SND1: variants seen among roughly 807,000 people sequenced by gnomAD.
SND1 encodes staphylococcal nuclease domain-containing protein 1.
A neutral mutation model predicts 121.7 loss-of-function variants in SND1; 38 were observed. That is an observed-to-expected ratio of 0.31 (90% CI 0.24 to 0.41). The LOEUF is 0.41. SND1 is among the 10% of genes least tolerant of loss of function. The pLI, the probability that SND1 is intolerant of heterozygous loss-of-function variation, is 1.00. For synonymous variants in SND1, 401 were observed against 447.4 expected, an observed-to-expected ratio of 0.90 and a Z score of 1.31; for missense variants, 868 against 1,184.6, an observed-to-expected ratio of 0.73 and a Z score of 3.92.
At chr7:127,730,880 G>A (rs1047282602) in intron 10 of SND1, among the ~76,000 whole-genome samples, 8 of 152,252 alleles carry the variant, frequency 5.3e-5, no homozygotes, top group African/African-American at 1.4e-4. Context: ...CTACCACTCT[G>A]CCTTTCCTAG....
chr7:127,897,728 A>T (rs1800148207), intron 13 of SND1, among the ~76,000 whole-genome samples: 1 of 152,172 alleles, frequency 6.6e-6, no homozygotes, highest in South Asian at 2.1e-4. Flanking sequence ...TAGTAGTAGA[A>T]CTATTCACAT....
chr7:127,709,358 T>C (rs1423404013), intron 9 of SND1, among the ~76,000 whole-genome samples: 9 of 152,184 alleles, frequency 5.9e-5, no homozygotes, highest in Non-Finnish European at 1.5e-5. Context: ...ATCTTCACTT[T>C]GAGAGTCTGT....
intron 16 of SND1, among the ~76,000 whole-genome samples, chr7:128,073,806 C>A (rs1793455969): frequency 6.6e-6 from 1 of 152,132 alleles, no homozygotes; most frequent in Non-Finnish European, 1.5e-5. Context: ...GAAAAGCAGT[C>A]AGTGCTAGGT....
intron 2 of SND1, among the ~76,000 whole-genome samples, chr7:127,687,768 C>T (rs1795840784): frequency 6.6e-6 from 1 of 152,126 alleles, no homozygotes; most frequent in Non-Finnish European, 1.5e-5. Context: ...ACTGTAGTCT[C>T]AACCTCCCAG....
chr7:127,748,641 G>A (rs1051151005), intron 10 of SND1, among the ~76,000 whole-genome samples: 1 of 152,150 alleles, frequency 6.6e-6, no homozygotes, highest in African/African-American at 2.4e-5. Flanking sequence ...AAGAAAATAC[G>A]CATTAGAAAT....
intron 15 of SND1, among the ~76,000 whole-genome samples, chr7:127,937,696 A>T (rs141701054): frequency 6.6e-6 from 1 of 152,218 alleles, no homozygotes; most frequent in Non-Finnish European, 1.5e-5. Flanking sequence ...TCTCTAGCCA[A>T]TCCTCATTGG....
chr7:127,933,976 A>T (rs995901915), intron 15 of SND1, among the ~76,000 whole-genome samples: 1 of 152,240 alleles, frequency 6.6e-6, no homozygotes, highest in African/African-American at 2.4e-5. Flanking sequence ...CCTAGGTATC[A>T]GGAAACACCC....
chr7:127,803,785 T>C (rs1798178710), intron 10 of SND1, among the ~76,000 whole-genome samples: 1 of 152,176 alleles, frequency 6.6e-6, no homozygotes, highest in Non-Finnish European at 1.5e-5. Flanking sequence ...AATACCTTCC[T>C]GAAAAAATGC....
intron 15 of SND1, among the ~76,000 whole-genome samples, chr7:127,936,038 T>G (rs1164235105): frequency 6.6e-6 from 1 of 152,156 alleles, no homozygotes; most frequent in African/African-American, 2.4e-5. Context: ...CCTGCACCCC[T>G]GTATGTAGAA....
intron 16 of SND1, among the ~76,000 whole-genome samples, chr7:128,060,606 C>T (rs1014729966): frequency 1.1e-4 from 17 of 152,166 alleles, no homozygotes; most frequent in African/African-American, 3.4e-4. Flanking sequence ...GGCAGCAGCT[C>T]AGGAGCAGTG....
chr7:127,820,867 C>CT (rs1735302855), intron 11 of SND1, among the ~76,000 whole-genome samples: 1 of 152,168 alleles, frequency 6.6e-6, no homozygotes, highest in African/African-American at 2.4e-5. Flanking sequence ...TGGGACCTTT[C>CT]TGACCTTAGC....
intron 10 of SND1, among the ~76,000 whole-genome samples, chr7:127,765,026 G>A (rs746339507): frequency 4.6e-5 from 7 of 152,114 alleles, no homozygotes; most frequent in Non-Finnish European, 8.8e-5. Flanking sequence ...TTTTTGCAAC[G>A]AGTTGGTAAC....
chr7:127,819,085 G>C (rs1471081166), intron 11 of SND1, among the ~76,000 whole-genome samples: 2 of 152,182 alleles, frequency 1.3e-5, no homozygotes, highest in Non-Finnish European at 2.9e-5. Context: ...CCTTGTGTTT[G>C]TAATAGTATA....
chr7:128,063,658 A>G (rs1488657482), intron 16 of SND1, among the ~76,000 whole-genome samples: 1 of 152,234 alleles, frequency 6.6e-6, no homozygotes, highest in Non-Finnish European at 1.5e-5. Context: ...ATAAATGCCC[A>G]TTGTAATACT....
At chr7:127,860,256 T>G (rs1799351261) in intron 12 of SND1, among the ~76,000 whole-genome samples, 15 of 152,120 alleles carry the variant, frequency 9.9e-5, no homozygotes, top group Admixed American at 9.8e-4. Flanking sequence ...GGGATTTCAG[T>G]GGTGGGAATG....
intron 16 of SND1, among the ~76,000 whole-genome samples, chr7:128,002,991 G>A (rs1802874247): frequency 6.6e-6 from 1 of 152,198 alleles, no homozygotes. Flanking sequence ...GGAGGCCGAG[G>A]CAGGGGGATC....
chr7:127,957,659 GATA>G (rs1187153244), intron 15 of SND1, among the ~76,000 whole-genome samples: 1 of 152,260 alleles, frequency 6.6e-6, no homozygotes, highest in Admixed American at 6.5e-5. Context: ...AGAATTGTGT[GATA>G]ATAATGATGG....
At chr7:128,055,198 GA>G (rs1350140302) in intron 16 of SND1, among the ~76,000 whole-genome samples, 4 of 152,198 alleles carry the variant, frequency 2.6e-5, no homozygotes, top group Non-Finnish European at 5.9e-5. Context: ...TGGGAGGCAG[GA>G]AGGTGGGCCG....
intron 12 of SND1, among the ~76,000 whole-genome samples, chr7:127,846,277 T>A (rs931709104): frequency 6.6e-5 from 10 of 150,790 alleles, no homozygotes; most frequent in African/African-American, 1.2e-4. Context: ...CAAAGTAAAA[T>A]TTTTTTTTTA....
Sources: gnomAD v4.1 joint callset for allele counts (sites outside exome capture counted in the v4.1 genomes callset) on GRCh38, gnomAD v4.1.1 for gene constraint, MANE v1.5 for transcripts, NCBI Gene and HGNC (gene_info 2026-07-23, HGNC 2026-07-21) for gene names.